Variants in HLF observed in about 807,000 individuals in gnomAD.
The protein encoded by HLF is HLF transcription factor, PAR bZIP family member, also known as hepatic leukemia factor.
HLF carries 3 observed loss-of-function variants against 22.6 expected under a neutral mutation model. That is an observed-to-expected ratio of 0.13 (90% CI 0.06 to 0.34). The LOEUF (loss-of-function observed/expected upper bound fraction) is 0.34. Among genes scored for constraint, HLF ranks in the 10% least tolerant of loss-of-function variants. The probability of loss-of-function intolerance (pLI) is 1.00; values close to 1 mark genes in which losing one functional copy is unlikely to be tolerated. For synonymous variants in HLF, 151 were observed against 151.8 expected, an observed-to-expected ratio of 0.99 and a Z score of 0.04; for missense variants, 299 against 389.2, an observed-to-expected ratio of 0.77 and a Z score of 1.95.
At chr17:55,311,173 T>C (rs1904810226) in intron 2 of HLF, among the ~76,000 whole-genome samples, 1 of 152,158 alleles carries the variant, frequency 6.6e-6, no homozygotes, top group Non-Finnish European at 1.5e-5. Context: ...TTAGAAAATT[T>C]TCTAAAAAGA....
At chr17:55,298,995 A>G (rs755003375) in intron 2 of HLF, among the ~76,000 whole-genome samples, 12 of 152,204 alleles carry the variant, frequency 7.9e-5, no homozygotes, top group Admixed American at 1.3e-4. Context: ...TCACTTCCTT[A>G]TAATCTAGTT....
rs993853252 is a variant in HLF at position 55,297,288 on chromosome 17, G to A, written c.452-17939G>A. 2.0e-5 allele frequency among the ~76,000 whole-genome samples: 3 copies of A among 151,994 alleles called. No individual in the cohort carries two copies. In the East Asian group the frequency reaches 5.8e-4, roughly 29 times the overall value. On this transcript the variant is annotated intron_variant, in intron 2 of 3. Transcript: ENST00000226067. ...CATAAACCATTTTTTCTTCTTATAG[G>A]CTTTCAAGGAAGAATTATCTAATTC...
At chr17:55,305,151 G>A (rs984576848) in intron 2 of HLF, among the ~76,000 whole-genome samples, 6 of 152,170 alleles carry the variant, frequency 3.9e-5, no homozygotes, top group African/African-American at 1.2e-4. Context: ...CCTGTCTGCC[G>A]GGAATCCTTA....
intron 2 of HLF, among the ~76,000 whole-genome samples, chr17:55,314,034 G>A (rs914810917): frequency 8.5e-5 from 13 of 152,176 alleles, no homozygotes; most frequent in Admixed American, 8.5e-4. Flanking sequence ...CATTGGCAGT[G>A]AGGAAGAGGG....
At position 55,321,064 on chromosome 17, in the gene HLF, C is replaced by A; in HGVS notation, c.*185C>A. 1 of 587,422 alleles carries A rather than the reference C, an allele frequency of 1.7e-6. No individual in the cohort carries two copies. Among genetic ancestry groups the A allele is most frequent in the Non-Finnish European group, 3.1e-6 (1 of 326,126 alleles). The allele number at this position is 587,422 out of a possible 1,614,324, so 36.4% of individuals were successfully genotyped here. A position where few individuals can be genotyped will look rare whatever the true frequency, so the allele number is the denominator to read the frequency against. On this transcript the variant is annotated 3_prime_UTR_variant, in exon 4 of 4. Coordinates refer to ENST00000226067, the MANE Select transcript of HLF (RefSeq NM_002126.5). ...ATGTGCTTGTGCTCATGTGTGTGGTCAGCGGTATGTGCGTGTGCGTGTTCC... is the reference window on the plus strand; with the variant it reads ...ATGTGCTTGTGCTCATGTGTGTGGTAAGCGGTATGTGCGTGTGCGTGTTCC...
rs554771444 is a variant in HLF, at chr17:55,317,022, C to G, written c.672+1575C>G. Among the ~76,000 whole-genome samples the G allele has an allele frequency of 4.4e-5, 6 of 135,762 alleles. No homozygotes were observed. In the East Asian group the frequency reaches 1.3e-3, roughly 29 times the overall value. 89.1% of individuals were successfully genotyped at this position (135,762 alleles called of 152,430 possible). A position where few individuals can be genotyped will look rare whatever the true frequency, so the allele number is the denominator to read the frequency against. ...GCACTCTGTTGCCCAGGCTGGAGTGCAGTGGCACGATCTCAGCTCACTGCA... is the reference window on the plus strand; with the variant it reads ...GCACTCTGTTGCCCAGGCTGGAGTGGAGTGGCACGATCTCAGCTCACTGCA... On this transcript the variant is annotated intron_variant, in intron 3 of 3. Transcript: ENST00000226067.
intron 2 of HLF, among the ~76,000 whole-genome samples, chr17:55,275,641 A>G (rs1225746156): frequency 2.0e-5 from 3 of 152,196 alleles, no homozygotes; most frequent in Non-Finnish European, 4.4e-5. Context: ...TCCTCTCCCC[A>G]AGGGGTTCTT....
intron 1 of HLF, chr17:55,266,901 C>G: frequency 1.6e-6 from 1 of 607,530 alleles, no homozygotes; most frequent in Non-Finnish European, 2.1e-6. Flanking sequence ...TAGAATAACT[C>G]ACCTTTTCCA....
chr17:55,317,870 A>G (rs1055597214), intron 3 of HLF, among the ~76,000 whole-genome samples: 1 of 152,206 alleles, frequency 6.6e-6, no homozygotes, highest in Non-Finnish European at 1.5e-5. Flanking sequence ...TGAGGTTGAC[A>G]TGCTGGGGTA....
intron 2 of HLF, among the ~76,000 whole-genome samples, chr17:55,274,555 C>G (rs990204312): frequency 6.6e-6 from 1 of 152,126 alleles, no homozygotes; most frequent in Non-Finnish European, 1.5e-5. Context: ...TTTGAGACAC[C>G]AGTCTATACG....
chr17:55,266,829 G>T, intron 1 of HLF: 1 of 984,464 alleles, frequency 1.0e-6, no homozygotes. Flanking sequence ...GCTTGTTAAA[G>T]ACCTAATGGG....
chr17:55,268,188 A>C (rs2080814306), intron 2 of HLF, 102 bp downstream of exon 2: 2 of 825,776 alleles, frequency 2.4e-6, no homozygotes, highest in Admixed American at 6.0e-5. Context: ...GGTTTTAGCA[A>C]AGATCCTAAG....
chr17:55,267,140 G>A (rs540683892), intron 1 of HLF, among the ~76,000 whole-genome samples: 4 of 152,274 alleles, frequency 2.6e-5, no homozygotes, highest in Admixed American at 6.5e-5. Context: ...CAGAGCCTCC[G>A]AGTCTTTGTT....
At position 55,322,564 on chromosome 17, in the gene HLF, A is replaced by T. The variant is rs1027721201; in HGVS notation, c.*1685A>T. The T allele has an allele frequency of 9.2e-6, 2 of 216,606 alleles. No individual in the cohort carries two copies. Among genetic ancestry groups the T allele is most frequent in the African/African-American group, 4.5e-5 (2 of 44,466 alleles). The allele number at this position is 216,606 out of a possible 1,614,324, so 13.4% of individuals were successfully genotyped here. A position where few individuals can be genotyped will look rare whatever the true frequency, so the allele number is the denominator to read the frequency against. On this transcript the variant is annotated 3_prime_UTR_variant, in exon 4 of 4. Coordinates refer to ENST00000226067, the MANE Select transcript of HLF (RefSeq NM_002126.5). ...CTTTAAATTAAAATTTTATGACAGT[A>T]TCGAGGCTTGTGATGACGAATCCTG...
At chr17:55,300,707 T>C (rs1464590134) in intron 2 of HLF, among the ~76,000 whole-genome samples, 2 of 152,194 alleles carry the variant, frequency 1.3e-5, no homozygotes, top group Non-Finnish European at 2.9e-5. Flanking sequence ...CATTAATAAC[T>C]CTTGAATCCA....
chr17:55,299,689 C>A (rs1337258597), intron 2 of HLF, among the ~76,000 whole-genome samples: 2 of 152,198 alleles, frequency 1.3e-5, no homozygotes, highest in African/African-American at 4.8e-5. Flanking sequence ...ATCTTCCCAC[C>A]TTAGCCTCCC....
rs916250284 is a variant in HLF at position 55,265,288 on chromosome 17, G to C, written c.-197G>C. 1 of 491,202 alleles carries C rather than the reference G, an allele frequency of 2.0e-6. No individual in the cohort carries two copies. Among genetic ancestry groups the C allele is most frequent in the Non-Finnish European group, 3.5e-6 (1 of 283,898 alleles). 30.4% of individuals were successfully genotyped at this position (491,202 alleles called of 1,614,324 possible). ...CTGGGACCGTCTGCACTGGAAACCCGAAAGTTTTTTTTTAATATATATTTT... is the reference window on the plus strand; with the variant it reads ...CTGGGACCGTCTGCACTGGAAACCCCAAAGTTTTTTTTTAATATATATTTT... On this transcript the variant is annotated 5_prime_UTR_variant, in exon 1 of 4. Coordinates refer to ENST00000226067, the MANE Select transcript of HLF (RefSeq NM_002126.5).
chr17:55,320,240 C>A lies in HLF; in HGVS notation c.673-424C>A, dbSNP rs1905217709. Among the ~76,000 whole-genome samples, 1 of 152,130 alleles carries A rather than the reference C, an allele frequency of 6.6e-6. No homozygotes were observed. The highest frequency in any genetic ancestry group is 1.5e-5 in the Non-Finnish European group (1 of 68,024). ...CCATTTAAATAGTTGATAGATATTG[C>A]CAAATTGCCTTCTAAAATTTTTGTA... On this transcript the variant is annotated intron_variant, in intron 3 of 3. Coordinates refer to ENST00000226067, the MANE Select transcript of HLF (RefSeq NM_002126.5). This position sits in a 1 kb window ranked among gnomAD's most constrained non-coding sequence, Gnocchi z 4.2.
At chr17:55,281,057 C>T (rs181172952) in intron 2 of HLF, among the ~76,000 whole-genome samples, 2 of 152,146 alleles carry the variant, frequency 1.3e-5, no homozygotes, top group African/African-American at 2.4e-5. Flanking sequence ...GTATGTTGTG[C>T]ACTGTACATG....
Sources: gnomAD v4.1 joint callset for allele counts (sites outside exome capture counted in the v4.1 genomes callset) on GRCh38, gnomAD v4.1.1 for gene constraint, Gnocchi (gnomAD v3.1) non-coding constraint, MANE v1.5 for transcripts, NCBI Gene and HGNC (gene_info 2026-07-23, HGNC 2026-07-21) for gene names.